The following TIPRL variants were observed in gnomAD, a reference collection of about 807,000 sequenced individuals.
TIPRL encodes TOR signaling pathway regulator, also known as TIP41-like protein.
A neutral mutation model predicts 32.3 loss-of-function variants in TIPRL; 10 were observed. That is an observed-to-expected ratio of 0.31 (90% CI 0.19 to 0.52). The LOEUF (loss-of-function observed/expected upper bound fraction) is 0.52. TIPRL is among the 20% of genes least tolerant of loss of function. The pLI, the probability that TIPRL is intolerant of heterozygous loss-of-function variation, is 0.96. For synonymous variants in TIPRL, 100 were observed against 114.0 expected (o/e 0.88, Z 0.78); for missense variants, 250 against 328.1 (o/e 0.76, Z 1.84).
chr1:168,195,302 T>C (rs913680441), intron 4 of TIPRL, among the ~76,000 whole-genome samples: 4 of 152,218 alleles, frequency 2.6e-5, no homozygotes, highest in African/African-American at 9.7e-5. Flanking sequence ...CTCCTTCCCA[T>C]CTCTAGCTGT....
chr1:168,192,087 C>A, intron 4 of TIPRL: 1 of 1,157,648 alleles, frequency 8.6e-7, no homozygotes, highest in East Asian at 3.8e-5. Flanking sequence ...GCTTAATTTT[C>A]ACATTTTGGA....
intron 6 of TIPRL, among the ~76,000 whole-genome samples, chr1:168,199,599 G>A (rs1448142689): frequency 1.3e-5 from 2 of 152,098 alleles, no homozygotes; most frequent in African/African-American, 4.8e-5. Context: ...TGCTCTAACC[G>A]AAGACTAGTG....
At chr1:168,199,516 A>T (rs1040269972) in intron 6 of TIPRL, among the ~76,000 whole-genome samples, 1 of 152,138 alleles carries the variant, frequency 6.6e-6, no homozygotes, top group African/African-American at 2.4e-5. Context: ...CTTAGTATGT[A>T]CTTCTGTCTG....
intron 1 of TIPRL, among the ~76,000 whole-genome samples, chr1:168,179,952 A>G (rs560488644): frequency 3.0e-4 from 46 of 152,254 alleles, no homozygotes; most frequent in African/African-American, 1.1e-3. Context: ...GTGAGGTACC[A>G]TAGGGGGTGT....
At chr1:168,192,641 G>T (rs560054334) in intron 4 of TIPRL, among the ~76,000 whole-genome samples, 7 of 152,228 alleles carry the variant, frequency 4.6e-5, no homozygotes, top group Non-Finnish European at 1.0e-4. Context: ...GCCCATGCCT[G>T]TAATCCCAGC....
intron 3 of TIPRL, among the ~76,000 whole-genome samples, chr1:168,187,831 G>T (rs1700046160): frequency 6.6e-6 from 1 of 152,044 alleles, no homozygotes; most frequent in Admixed American, 6.6e-5. Flanking sequence ...AAATTGGCGG[G>T]TCTGGTGGCA....
At chr1:168,179,298 G>A in intron 1 of TIPRL, 117 bp downstream of exon 1, 2 of 809,446 alleles carry the variant, frequency 2.5e-6, no homozygotes, top group East Asian at 2.8e-5. Flanking sequence ...CGGTCCCTCC[G>A]GACCGGACCT....
intron 1 of TIPRL, among the ~76,000 whole-genome samples, chr1:168,179,453 TCTC>T (rs1699934676): frequency 6.6e-6 from 1 of 151,992 alleles, no homozygotes; most frequent in Non-Finnish European, 1.5e-5. Context: ...TCACCAAACG[TCTC>T]CTCCTGCCTC....
intron 1 of TIPRL, among the ~76,000 whole-genome samples, chr1:168,181,408 A>C (rs1342505665): frequency 6.6e-6 from 1 of 150,484 alleles, no homozygotes; most frequent in East Asian, 2.0e-4. Flanking sequence ...ATGGGGTTTC[A>C]CCATGTTGGT....
intron 3 of TIPRL, among the ~76,000 whole-genome samples, chr1:168,185,344 T>A (rs1231527791): frequency 6.6e-6 from 1 of 152,214 alleles, no homozygotes; most frequent in African/African-American, 2.4e-5. Context: ...TGAGTCTCAG[T>A]TTTATCAATA....
At chr1:168,196,252 A>G (rs919772971) in intron 4 of TIPRL, among the ~76,000 whole-genome samples, 2 of 152,170 alleles carry the variant, frequency 1.3e-5, no homozygotes, top group African/African-American at 4.8e-5. Flanking sequence ...TGAAATAAAC[A>G]TTATAATTTT....
intron 4 of TIPRL, chr1:168,192,066 T>C: frequency 9.8e-7 from 1 of 1,018,548 alleles, no homozygotes; most frequent in Non-Finnish European, 1.2e-6. Context: ...TTAACTCTAA[T>C]GAAGACTGTG....
chr1:168,181,172 T>C (rs192181658), intron 1 of TIPRL, among the ~76,000 whole-genome samples: 51 of 151,610 alleles, frequency 3.4e-4, no homozygotes, highest in Admixed American at 2.6e-3. Context: ...TATTTATTTA[T>C]TTATTTTTAA....
At chr1:168,191,250 G>A in intron 3 of TIPRL, 119 bp from the exon 4 acceptor site, 3 of 848,550 alleles carry the variant, frequency 3.5e-6, no homozygotes, top group Non-Finnish European at 3.4e-6. Flanking sequence ...TTAGAACTGT[G>A]TGCTCTGGCT....
intron 3 of TIPRL, among the ~76,000 whole-genome samples, chr1:168,189,206 C>T (rs1035411414): frequency 2.0e-5 from 3 of 151,842 alleles, no homozygotes; most frequent in Admixed American, 2.0e-4. Flanking sequence ...CCAGTCTTTC[C>T]AGATCTCAGC....
intron 4 of TIPRL, among the ~76,000 whole-genome samples, chr1:168,196,251 CATT>C (rs1489011460): frequency 1.3e-5 from 2 of 152,052 alleles, no homozygotes; most frequent in Admixed American, 6.6e-5. Context: ...TTGAAATAAA[CATT>C]ATAATTTTTA....
intron 5 of TIPRL, 58 bp from the exon 6 acceptor site, chr1:168,198,861 A>G: frequency 2.0e-6 from 3 of 1,467,936 alleles, no homozygotes; most frequent in Non-Finnish European, 1.9e-6. Flanking sequence ...TTTTAATACA[A>G]AGGATTTTGT....
At position 168,201,183 on chromosome 1, in the gene TIPRL, TG is replaced by T. The variant is rs1440243266; in HGVS notation, c.*1138del. ...AAAATGGTTGTCATAAAGTGGAAAG[TG>T]ATTAAAAAGCATCAAATAAGAAATT... is the stretch of plus-strand genomic sequence containing the variant. On this transcript the variant is annotated 3_prime_UTR_variant, in exon 7 of 7. Coordinates refer to ENST00000367833, the MANE Select transcript of TIPRL (RefSeq NM_152902.5). 2 of 152,144 alleles carry T rather than the reference TG, an allele frequency of 1.3e-5. No individual in the cohort carries two copies. Among genetic ancestry groups the T allele is most frequent in the Non-Finnish European group, 2.9e-5 (2 of 68,008 alleles). The allele number at this position is 152,144 out of a possible 1,614,324, so 9.4% of individuals were successfully genotyped here.
chr1:168,199,364 A>G (rs964615306), intron 6 of TIPRL, among the ~76,000 whole-genome samples: 2 of 150,122 alleles, frequency 1.3e-5, no homozygotes, highest in African/African-American at 4.9e-5. Flanking sequence ...GTGATTCTGT[A>G]CCATAATTTG....
Sources: allele counts gnomAD v4.1 joint callset (sites outside exome capture counted in the v4.1 genomes callset), GRCh38; gene constraint gnomAD v4.1.1; transcripts MANE v1.5; gene names NCBI Gene and HGNC (gene_info 2026-07-23, HGNC 2026-07-21).